FAM161B: variants seen among roughly 807,000 people sequenced by gnomAD.
FAM161B encodes FAM161 centrosomal protein B.
FAM161B carries 46 observed loss-of-function variants against 61.5 expected under a neutral mutation model. That is an observed-to-expected ratio of 0.75 (90% CI 0.59 to 0.96). The LOEUF (loss-of-function observed/expected upper bound fraction) is 0.96, where lower values mean the gene tolerates loss of function less well. FAM161B is among the 40% of genes least tolerant of loss of function. The pLI, the probability that FAM161B is intolerant of heterozygous loss-of-function variation, is 0.00. For synonymous variants in FAM161B, 284 were observed against 302.7 expected (o/e 0.94, Z 0.64); for missense variants, 774 against 800.7 (o/e 0.97, Z 0.40).
Position 73,934,100 on chromosome 14 carries a change from G to T in FAM161B, c.*156C>A, listed in dbSNP as rs745709450. 55 of 833,166 alleles carry T rather than the reference G, an allele frequency of 6.6e-5. 1 individual carries two copies. The highest frequency in any genetic ancestry group is 2.4e-4 in the Admixed American group (8 of 32,902). 51.6% of individuals were successfully genotyped at this position (833,166 alleles called of 1,614,324 possible). On this transcript the variant is annotated 3_prime_UTR_variant, in exon 9 of 9. Transcript: ENST00000286544. ...GCCTCCCAAAGTGTTGGGATTACAGGCGTGAGCCACTGCGCCTGGCCTGTT... is the reference window on the plus strand; with the variant it reads ...GCCTCCCAAAGTGTTGGGATTACAGTCGTGAGCCACTGCGCCTGGCCTGTT...
rs1207571954 is a variant in FAM161B at position 73,937,721 on chromosome 14, TAGAA to T, written c.1566-24_1566-21del. On this transcript the variant is annotated intron_variant, in intron 6 of 8. Coordinates refer to ENST00000286544, the MANE Select transcript of FAM161B (RefSeq NM_152445.3). The stretch of plus-strand genomic sequence containing the variant: ...TTGTTCCTGGAATTAGCAAGACTTT[TAGAA>T]AGAATTTCATCTTTTCTAATCCAGA... 6 of 1,610,028 alleles carry T rather than the reference TAGAA, an allele frequency of 3.7e-6. No homozygotes were observed. Among genetic ancestry groups the T allele is most frequent in the Non-Finnish European group, 5.1e-6 (6 of 1,177,962 alleles).
intron 3 of FAM161B, among the ~76,000 whole-genome samples, chr14:73,943,707 A>G (rs1053705014): frequency 6.6e-6 from 1 of 152,106 alleles, no homozygotes; most frequent in South Asian, 2.1e-4. Flanking sequence ...TCCCTTTGAT[A>G]TATGCTCCCA....
intron 5 of FAM161B, among the ~76,000 whole-genome samples, chr14:73,940,669 G>A (rs1219299073): frequency 6.6e-6 from 1 of 152,132 alleles, no homozygotes; most frequent in Non-Finnish European, 1.5e-5. Context: ...ATAATAAACT[G>A]GAGGTTCCCT....
chr14:73,926,205 A>G, the FAM161B span, among the ~76,000 whole-genome samples: 4 of 152,270 alleles, frequency 2.6e-5, no homozygotes, highest in Admixed American at 2.6e-4. Flanking sequence ...AAACTATAAT[A>G]TCTTTACCAC....
At chr14:73,926,173 CTCT>C in the FAM161B span, among the ~76,000 whole-genome samples, 4 of 152,216 alleles carry the variant, frequency 2.6e-5, no homozygotes, top group South Asian at 8.3e-4. Flanking sequence ...CAGTATATGC[CTCT>C]AACAAGATAC....
At chr14:73,931,917 T>C (rs1237310177), downstream of FAM161B, 4 of 457,192 alleles carry the variant, frequency 8.7e-6, no homozygotes, top group South Asian at 4.7e-5. Flanking sequence ...TCTTTTCACA[T>C]GGATGAAATA....
intron 5 of FAM161B, among the ~76,000 whole-genome samples, chr14:73,939,328 C>T (rs7157725): frequency 0.65 from 98,261 of 151,972 alleles, 31,991 homozygotes; most frequent in South Asian, 0.72. Context: ...CTTACTTAAA[C>T]AGTCCAACAT....
At chr14:73,924,834 G>A in the FAM161B span, 7 of 331,732 alleles carry the variant, frequency 2.1e-5, no homozygotes, top group South Asian at 4.5e-5. Flanking sequence ...GTGCCACCAC[G>A]CCCAGCTAAT....
downstream of FAM161B, among the ~76,000 whole-genome samples, chr14:73,927,476 C>G (rs1746620837): frequency 6.6e-6 from 1 of 152,158 alleles, no homozygotes; most frequent in African/African-American, 2.4e-5. Flanking sequence ...TTTCTTTTAC[C>G]TAGTACACAT....
chr14:73,942,573 C>T lies in FAM161B; in HGVS notation c.1068G>A (p.Gly356=), dbSNP rs2056028896. Residue 356 remains glycine, a synonymous_variant, in exon 4 of 9, where the codon GGG becomes GGA. Transcript: ENST00000286544. Reference sequence around the variant, plus strand: ...GGAATCTGAAGTTAGTGTGCAGAAACCCAAGCTTTTCCTGCTGGGTTCGGG... The same window carrying T: ...GGAATCTGAAGTTAGTGTGCAGAAATCCAAGCTTTTCCTGCTGGGTTCGGG... ...TATRTQQEKL[G]FLHTNFRFQP... 1 of 1,614,220 alleles carries T rather than the reference C, an allele frequency of 6.2e-7. No homozygotes were observed. The highest frequency in any genetic ancestry group is 2.2e-5 in the East Asian group (1 of 44,882).
In FAM161B at chr14:73,946,330, G is replaced by T. The variant is rs751110554; in HGVS notation, c.330C>A (p.Asp110Glu). Residue 110 changes from aspartate to glutamate, a missense_variant, in exon 2 of 9, where the codon GAC becomes GAA. Coordinates refer to ENST00000286544, the MANE Select transcript of FAM161B (RefSeq NM_152445.3). ...DEEDLESFFQ[D>E]KDRGMVQVQC... ...GGACCTGCACCATCCCCCTGTCCTT[G>T]TCTTGGAAGAAACTCTCCAGGTCCT... 2.5e-6 allele frequency: 4 copies of T among 1,614,138 alleles called. No individual in the cohort carries two copies. The South Asian group carries it at 3.3e-5, about 13-fold the overall frequency.
Position 73,937,936 on chromosome 14 carries a change from G to C in FAM161B, c.1565+12C>G. 1.2e-6 allele frequency: 2 copies of C among 1,614,152 alleles called. No individual in the cohort carries two copies. The highest frequency in any genetic ancestry group is 1.7e-6 in the Non-Finnish European group (2 of 1,180,016). The stretch of plus-strand genomic sequence containing the variant: ...AGGCAAGCACCCCTTTTGACACATA[G>C]AGGACACTGACCGGTTCTCTTTCAG... On this transcript the variant is annotated intron_variant, in intron 6 of 8. Coordinates refer to ENST00000286544, the MANE Select transcript of FAM161B (RefSeq NM_152445.3).
intron 3 of FAM161B, among the ~76,000 whole-genome samples, chr14:73,943,281 T>C (rs1269232068): frequency 6.6e-6 from 1 of 152,222 alleles, no homozygotes; most frequent in Non-Finnish European, 1.5e-5. Flanking sequence ...ATTTCTCTAC[T>C]GAATTGTGAA....
chr14:73,937,111 G>A (rs2055976446), intron 7 of FAM161B, among the ~76,000 whole-genome samples: 1 of 152,048 alleles, frequency 6.6e-6, no homozygotes, highest in South Asian at 2.1e-4. Context: ...AAAATTTCAG[G>A]CTTCCAGCCT....
downstream of FAM161B, among the ~76,000 whole-genome samples, chr14:73,930,963 G>A (rs539666575): frequency 2.0e-5 from 3 of 152,288 alleles, no homozygotes; most frequent in South Asian, 2.1e-4. Context: ...TTTGAATAGA[G>A]CCTTGTGTAT....
chr14:73,948,922 A>G (rs1047814835), intron 1 of FAM161B, among the ~76,000 whole-genome samples: 12 of 144,484 alleles, frequency 8.3e-5, no homozygotes, highest in African/African-American at 3.0e-4. Flanking sequence ...CACCTGGCTA[A>G]TTTTTTTTTT....
intron 5 of FAM161B, 83 bp downstream of exon 5, chr14:73,940,843 G>A: frequency 1.3e-6 from 2 of 1,520,604 alleles, no homozygotes; most frequent in South Asian, 2.6e-5. Context: ...TCTGATAACA[G>A]GAAAGGAGGC....
At chr14:73,947,580 T>C (rs35664136) in intron 1 of FAM161B, among the ~76,000 whole-genome samples, 17,250 of 152,104 alleles carry the variant, frequency 0.11, 1,270 homozygotes, top group Admixed American at 0.19. Flanking sequence ...CTTACTCTCA[T>C]GAAGCTTACA....
At chr14:73,923,390 C>T in the FAM161B span, 1 of 1,611,502 alleles carries the variant, frequency 6.2e-7, no homozygotes, top group East Asian at 2.2e-5. Flanking sequence ...TCTGTTGCTT[C>T]ACAGAGGTGC....
Sources: gnomAD v4.1 joint callset for allele counts (sites outside exome capture counted in the v4.1 genomes callset) on GRCh38, gnomAD v4.1.1 for gene constraint, MANE v1.5 for transcripts, NCBI Gene and HGNC (gene_info 2026-07-23, HGNC 2026-07-21) for gene names.